KITLG: variants seen among roughly 807,000 people sequenced by gnomAD.
KITLG encodes the protein c-Kit ligand.
In KITLG, 13 loss-of-function variants were observed where a neutral mutation model predicts 34.1. That is an observed-to-expected ratio of 0.38 (90% CI 0.25 to 0.61). The LOEUF (loss-of-function observed/expected upper bound fraction) is 0.61. Ranked by LOEUF, KITLG falls within the 20% of genes least tolerant of loss-of-function variation. The pLI, the probability that KITLG is intolerant of heterozygous loss-of-function variation, is 0.60. For synonymous variants in KITLG, 110 were observed against 104.0 expected (o/e 1.06, Z -0.35); for missense variants, 292 against 318.9 (o/e 0.92, Z 0.64).
intron 1 of KITLG, among the ~76,000 whole-genome samples, chr12:88,555,647 G>A (rs1391825441): frequency 6.6e-6 from 1 of 152,098 alleles, no homozygotes. Flanking sequence ...TAAATGAGTC[G>A]AGCAGGTAAA....
chr12:88,510,682 C>A (rs1009881559), intron 6 of KITLG, among the ~76,000 whole-genome samples: 3 of 152,122 alleles, frequency 2.0e-5, no homozygotes, highest in Admixed American at 6.6e-5. Context: ...ACATAATTCC[C>A]TTTGGATAAC....
At chr12:88,513,483 T>G (rs1869354236) in intron 6 of KITLG, among the ~76,000 whole-genome samples, 1 of 151,790 alleles carries the variant, frequency 6.6e-6, no homozygotes, top group Non-Finnish European at 1.5e-5. Context: ...CAATCAGAGA[T>G]ACACTAAATA....
chr12:88,536,095 A>G (rs1329477392), intron 2 of KITLG, among the ~76,000 whole-genome samples: 1 of 152,176 alleles, frequency 6.6e-6, no homozygotes, highest in African/African-American at 2.4e-5. Context: ...AAAAGAAACT[A>G]CTAACAGAGT....
chr12:88,523,754 C>T (rs553708525), intron 3 of KITLG, among the ~76,000 whole-genome samples: 73 of 152,168 alleles, frequency 4.8e-4, no homozygotes, highest in African/African-American at 1.7e-3. Context: ...GTGTAGTCTC[C>T]GAAATCTTAA....
chr12:88,561,759 C>G (rs1433900249), intron 1 of KITLG, among the ~76,000 whole-genome samples: 1 of 152,200 alleles, frequency 6.6e-6, no homozygotes, highest in Admixed American at 6.5e-5. Context: ...ATGCTCTAGC[C>G]ACACTGGCCT....
At chr12:88,534,806 T>G (rs1870247703) in intron 2 of KITLG, 1 of 404,178 alleles carries the variant, frequency 2.5e-6, no homozygotes. Context: ...ATAATTTCTT[T>G]TCTCTTCTTA....
chr12:88,517,536 A>T (rs547576141), intron 4 of KITLG, among the ~76,000 whole-genome samples: 19 of 152,160 alleles, frequency 1.2e-4, no homozygotes, highest in African/African-American at 4.3e-4. Flanking sequence ...TCCCAACATC[A>T]CCATTGACCT....
chr12:88,524,009 C>T (rs1869775021), intron 3 of KITLG, among the ~76,000 whole-genome samples: 2 of 152,322 alleles, frequency 1.3e-5, no homozygotes, highest in Non-Finnish European at 2.9e-5. Context: ...AGTGAAGGAA[C>T]AGCACAGGGG....
At chr12:88,533,596 G>A (rs1307475434) in intron 2 of KITLG, among the ~76,000 whole-genome samples, 1 of 152,090 alleles carries the variant, frequency 6.6e-6, no homozygotes, top group Non-Finnish European at 1.5e-5. Context: ...AGACCATTGG[G>A]TATTAAGATA....
At position 88,547,906 on chromosome 12, in the gene KITLG, T is replaced by A. The variant is rs529642633; in HGVS notation, c.16-2041A>T. On this transcript the variant is annotated intron_variant, in intron 1 of 9. Coordinates refer to ENST00000644744, the MANE Select transcript of KITLG (RefSeq NM_000899.5). ...TGTCCTAGGTGCTAGGCCTATATAATGAACAAAATTCCTGCCCTCATAAGG... is the reference window on the plus strand; with the variant it reads ...TGTCCTAGGTGCTAGGCCTATATAAAGAACAAAATTCCTGCCCTCATAAGG... Among the ~76,000 whole-genome samples, 13 of 152,334 alleles carry A rather than the reference T, an allele frequency of 8.5e-5. No homozygotes were observed. The South Asian group carries it at 2.7e-3, about 32-fold the overall frequency.
At chr12:88,550,426 TAGG>T (rs35816194) in intron 1 of KITLG, among the ~76,000 whole-genome samples, 101,538 of 151,628 alleles carry the variant, frequency 0.67, 37,133 homozygotes, top group Middle Eastern at 0.87. Flanking sequence ...TGGCTTTAAA[TAGG>T]AGTATAGGTA....
chr12:88,502,696 C>T (rs1868907752), intron 9 of KITLG, among the ~76,000 whole-genome samples: 1 of 152,190 alleles, frequency 6.6e-6, no homozygotes, highest in South Asian at 2.1e-4. Flanking sequence ...CTAATCCACT[C>T]CCAAATGTCA....
At chr12:88,500,515 T>C (rs1395123878) in intron 9 of KITLG, among the ~76,000 whole-genome samples, 2 of 152,230 alleles carry the variant, frequency 1.3e-5, no homozygotes, top group Non-Finnish European at 2.9e-5. Flanking sequence ...CATCCATCAA[T>C]GCACCTGCTA....
chr12:88,579,272 C>T (rs1871930929), intron 1 of KITLG, among the ~76,000 whole-genome samples: 1 of 152,182 alleles, frequency 6.6e-6, no homozygotes, highest in South Asian at 2.1e-4. Context: ...CCACACATTT[C>T]AGGAACTGCA....
rs1868608859 is a variant in KITLG, at chr12:88,495,535, G to A, written c.*1684C>T. 1 of 152,516 alleles carries A rather than the reference G, an allele frequency of 6.6e-6. No individual in the cohort carries two copies. Among genetic ancestry groups the A allele is most frequent in the African/African-American group, 2.4e-5 (1 of 41,422 alleles). 9.4% of individuals were successfully genotyped at this position (152,516 alleles called of 1,614,324 possible). A position where few individuals can be genotyped will look rare whatever the true frequency, so the allele number is the denominator to read the frequency against. The stretch of plus-strand genomic sequence containing the variant: ...ATTTAAGGAACCACAGCATGTTAGA[G>A]AAGAAAGGGACTGTAGGAATCATCT... On this transcript the variant is annotated 3_prime_UTR_variant, in exon 10 of 10. Coordinates refer to ENST00000644744, the MANE Select transcript of KITLG (RefSeq NM_000899.5).
intron 2 of KITLG, among the ~76,000 whole-genome samples, chr12:88,533,949 C>T (rs1870205614): frequency 6.6e-6 from 1 of 152,154 alleles, no homozygotes; most frequent in African/African-American, 2.4e-5. Flanking sequence ...ACACTCATTT[C>T]AGCTCTGAAC....
chr12:88,518,648 G>A (rs767098291), intron 4 of KITLG, 49 bp downstream of exon 4: 8 of 1,466,978 alleles, frequency 5.5e-6, no homozygotes, highest in Non-Finnish European at 6.7e-6. Context: ...AGAAGCATGG[G>A]TTTTTAGAGA....
At chr12:88,532,534 AAAATT>A (rs1268835122) in intron 2 of KITLG, 31 bp from the exon 3 acceptor site, 1 of 1,471,252 alleles carries the variant, frequency 6.8e-7, no homozygotes, top group Admixed American at 1.7e-5. Flanking sequence ...ATTCCATAAG[AAAATT>A]CTTATACATC....
chr12:88,518,316 G>T (rs560783301), intron 4 of KITLG, among the ~76,000 whole-genome samples: 1 of 152,218 alleles, frequency 6.6e-6, no homozygotes, highest in South Asian at 2.1e-4. Flanking sequence ...GACCTATGGG[G>T]TGATTACATT....
Sources: gnomAD v4.1 joint callset for allele counts (sites outside exome capture counted in the v4.1 genomes callset) on GRCh38, gnomAD v4.1.1 for gene constraint, MANE v1.5 for transcripts, NCBI Gene and HGNC (gene_info 2026-07-23, HGNC 2026-07-21) for gene names.